The following FNDC3B variants were observed in gnomAD, a reference collection of about 807,000 sequenced individuals.
The protein encoded by FNDC3B is fibronectin type III domain containing 3B, also known as fibronectin type III domain-containing protein 3B.
In FNDC3B, 12 loss-of-function variants were observed where a neutral mutation model predicts 151.5. The observed-to-expected ratio is 0.08, with a 90% CI of 0.05 to 0.13. FNDC3B has a LOEUF of 0.13. Ranked by LOEUF, FNDC3B falls within the 10% of genes least tolerant of loss-of-function variation. The pLI is 1.00. For synonymous variants in FNDC3B, 528 were observed against 549.0 expected, an observed-to-expected ratio of 0.96 and a Z score of 0.54; for missense variants, 1,214 against 1,505.3, an observed-to-expected ratio of 0.81 and a Z score of 3.20.
intron 10 of FNDC3B, among the ~76,000 whole-genome samples, chr3:172,309,124 A>G (rs1731338565): frequency 6.6e-6 from 1 of 152,180 alleles, no homozygotes; most frequent in African/African-American, 2.4e-5. Context: ...CTCTTGTTCC[A>G]TTCAGTCATG....
chr3:172,307,001 G>A (rs1731231576), intron 9 of FNDC3B: 1 of 180,168 alleles, frequency 5.6e-6, no homozygotes, highest in African/African-American at 2.4e-5. Flanking sequence ...TTAACTCTTA[G>A]CCTTTTTCCA....
chr3:172,118,651 A>G (rs566070855), intron 2 of FNDC3B, among the ~76,000 whole-genome samples: 107 of 152,324 alleles, frequency 7.0e-4, no homozygotes, highest in Admixed American at 4.7e-3. Flanking sequence ...AAGTAGAAAG[A>G]GGCTGGTCAT....
intron 11 of FNDC3B, chr3:172,317,043 C>T (rs771164611): frequency 2.5e-6 from 1 of 392,622 alleles, no homozygotes; most frequent in Non-Finnish European, 5.0e-6. Context: ...CAGGAACCCA[C>T]TCCTGTGATA....
intron 7 of FNDC3B, among the ~76,000 whole-genome samples, chr3:172,291,070 A>G (rs1228315244): frequency 6.6e-6 from 1 of 152,246 alleles, no homozygotes; most frequent in Non-Finnish European, 1.5e-5. Context: ...CATTTGCATA[A>G]TAATAAAATA....
intron 1 of FNDC3B, among the ~76,000 whole-genome samples, chr3:172,047,425 T>C (rs1716419259): frequency 6.6e-6 from 1 of 152,164 alleles, no homozygotes; most frequent in South Asian, 2.1e-4. Context: ...TATGAAAAGG[T>C]TTTACTGTAA....
rs533238736 is a variant in FNDC3B at position 172,087,768 on chromosome 3, G to A, written c.-28-24684G>A. On this transcript the variant is annotated intron_variant, in intron 1 of 25. Transcript: ENST00000415807. ...TAATGCTGATGTACAAATATGATTT[G>A]GAATCTTTGGTATTTGCCAGGGGCT... 4.6e-5 allele frequency among the ~76,000 whole-genome samples: 7 copies of A among 152,204 alleles called. No individual in the cohort carries two copies. In the East Asian group the frequency reaches 1.4e-3, roughly 29 times the overall value.
Position 172,341,165 on chromosome 3 carries a change from C to G in FNDC3B, c.1905C>G (p.Thr635=). Residue 635 remains threonine (T), a synonymous_variant, in exon 17 of 26, where the codon ACC becomes ACG. Transcript: ENST00000415807. ...GGTCGGCTACCGAATACACCTTCACCCACTTGAAACCAGGCACTTTGTACA... is the reference window on the plus strand; with the variant it reads ...GGTCGGCTACCGAATACACCTTCACGCACTTGAAACCAGGCACTTTGTACA... ...YSGSATEYTF[T]HLKPGTLYKL... The G allele has an allele frequency of 6.2e-7, 1 of 1,614,186 alleles. No individual in the cohort carries two copies. The highest frequency in any genetic ancestry group is 8.5e-7 in the Non-Finnish European group (1 of 1,180,018).
At chr3:172,143,952 T>TAAAC in intron 3 of FNDC3B, among the ~76,000 whole-genome samples, 1 of 146,858 alleles carries the variant, frequency 6.8e-6, no homozygotes, top group Admixed American at 6.7e-5. Flanking sequence ...AATAAATAAA[T>TAAAC]AGTAAATGAG....
intron 4 of FNDC3B, among the ~76,000 whole-genome samples, chr3:172,243,382 G>A (rs1459844018): frequency 1.3e-5 from 2 of 152,334 alleles, no homozygotes; most frequent in Non-Finnish European, 2.9e-5. Context: ...AAAGGAAAGA[G>A]GTTTAATTGG....
At position 172,200,277 on chromosome 3, in the gene FNDC3B, C is replaced by T. The variant is rs139936841; in HGVS notation, c.188-26594C>T. On this transcript the variant is annotated intron_variant, in intron 3 of 25. Coordinates refer to ENST00000415807, the MANE Select transcript of FNDC3B (RefSeq NM_022763.4). ...CCACACAGACATGAGGAGAAGAGAA[C>T]GGGGAAACTCCACACAGAGGCCTTG... 4.3e-3 allele frequency among the ~76,000 whole-genome samples: 657 copies of T among 152,302 alleles called. 3 individuals are homozygous for T. The highest frequency in any genetic ancestry group is 0.015 in the African/African-American group (611 of 41,568).
intron 3 of FNDC3B, among the ~76,000 whole-genome samples, chr3:172,155,361 T>G (rs1263602894): frequency 6.6e-6 from 1 of 152,210 alleles, no homozygotes; most frequent in Non-Finnish European, 1.5e-5. Context: ...TGGTATATGG[T>G]GTAACCCTTA....
At chr3:172,050,665 T>C (rs1218608721) in intron 1 of FNDC3B, among the ~76,000 whole-genome samples, 1 of 151,890 alleles carries the variant, frequency 6.6e-6, no homozygotes, top group Non-Finnish European at 1.5e-5. Flanking sequence ...ATTACAGGCA[T>C]GAGCCACCAC....
At position 172,247,670 on chromosome 3, in the gene FNDC3B, T is replaced by C. The variant is rs1175305359; in HGVS notation, c.402T>C (p.Ile134=). 2 of 1,613,990 alleles carry C rather than the reference T, an allele frequency of 1.2e-6. No individual in the cohort carries two copies. Among genetic ancestry groups the C allele is most frequent in the Admixed American group, 3.3e-5 (2 of 59,992 alleles). ...ATCTGACTCACCATCCACATTTTAT[T>C]CATAACTCACACACGGCTTACTACC... ...PPYLTHHPHF[I]HNSHTAYYPP... The change falls in exon 5 of 26, where the codon ATT becomes ATC. Residue 134 remains isoleucine, a synonymous_variant. Transcript: ENST00000415807.
At chr3:172,309,100 A>G (rs969744091) in intron 10 of FNDC3B, among the ~76,000 whole-genome samples, 1 of 152,218 alleles carries the variant, frequency 6.6e-6, no homozygotes, top group African/African-American at 2.4e-5. Context: ...CCTCAATTGT[A>G]AATCAGAAAC....
intron 3 of FNDC3B, among the ~76,000 whole-genome samples, chr3:172,144,617 T>G (rs1447024584): frequency 6.6e-6 from 1 of 152,188 alleles, no homozygotes; most frequent in Non-Finnish European, 1.5e-5. Flanking sequence ...ATTTGTCTTG[T>G]AACATAATTG....
chr3:172,147,314 A>AC (rs1329546893), intron 3 of FNDC3B, among the ~76,000 whole-genome samples: 6 of 149,462 alleles, frequency 4.0e-5, no homozygotes, highest in South Asian at 2.1e-4. Context: ...TCCAAACAAA[A>AC]AAAAAAAAAA....
intron 3 of FNDC3B, among the ~76,000 whole-genome samples, chr3:172,193,029 A>G (rs1052520632): frequency 6.6e-5 from 10 of 151,680 alleles, no homozygotes; most frequent in Non-Finnish European, 1.3e-4. Flanking sequence ...TTGTTTGTTA[A>G]TTGCTTATTT....
chr3:172,043,228 T>TAAA (rs1716182894), intron 1 of FNDC3B, among the ~76,000 whole-genome samples: 1 of 152,248 alleles, frequency 6.6e-6, no homozygotes, highest in African/African-American at 2.4e-5. Flanking sequence ...AAGTTTTATT[T>TAAA]ACTTGTAATT....
At chr3:172,196,330 A>T (rs1323161759) in intron 3 of FNDC3B, among the ~76,000 whole-genome samples, 1 of 151,722 alleles carries the variant, frequency 6.6e-6, no homozygotes, top group Non-Finnish European at 1.5e-5. Context: ...CTGAGACTAC[A>T]GGTGCCTACC....
Sources: allele counts gnomAD v4.1 joint callset (sites outside exome capture counted in the v4.1 genomes callset), GRCh38; gene constraint gnomAD v4.1.1; transcripts MANE v1.5; gene names NCBI Gene and HGNC (gene_info 2026-07-23, HGNC 2026-07-21).